Variants in SCHIP1 observed in about 807,000 individuals in gnomAD.
SCHIP1 encodes schwannomin-interacting protein 1.
In SCHIP1, 8 loss-of-function variants were observed where a neutral mutation model predicts 29.7. The ratio of observed to expected loss-of-function variants is 0.27; its 90% CI spans 0.16 to 0.49. The LOEUF is 0.49. SCHIP1 is among the 20% of genes least tolerant of loss of function. The probability of loss-of-function intolerance (pLI) is 0.99; values close to 1 mark genes in which losing one functional copy is unlikely to be tolerated. For missense variants in SCHIP1, 193 were observed against 294.6 expected (o/e 0.66, Z 2.52); for synonymous variants, 76 against 94.9 (o/e 0.80, Z 1.16).
chr3:159,495,463 A>G, the SCHIP1 span, among the ~76,000 whole-genome samples: 1 of 152,188 alleles, frequency 6.6e-6, no homozygotes, highest in African/African-American at 2.4e-5. Flanking sequence ...TACACCAATC[A>G]CAGACAAACA....
chr3:159,280,527 G>A, the SCHIP1 span, among the ~76,000 whole-genome samples: 1 of 152,008 alleles, frequency 6.6e-6, no homozygotes, highest in Admixed American at 6.6e-5. Flanking sequence ...TGAATAAGTC[G>A]GCTCAATTCC....
At chr3:159,687,447 G>A in the SCHIP1 span, among the ~76,000 whole-genome samples, 1 of 151,972 alleles carries the variant, frequency 6.6e-6, no homozygotes, top group Non-Finnish European at 1.5e-5. Flanking sequence ...TAAACTCTAT[G>A]CTCTGAGACC....
chr3:159,815,936 C>CTTATTTATTTAT, the SCHIP1 span, among the ~76,000 whole-genome samples: 1 of 55,958 alleles, frequency 1.8e-5, no homozygotes. Flanking sequence ...TGCCTCTGGT[C>CTTATTTATTTAT]CTATTTATTT....
the SCHIP1 span, among the ~76,000 whole-genome samples, chr3:159,468,221 A>G: frequency 6.6e-6 from 1 of 152,130 alleles, no homozygotes; most frequent in African/African-American, 2.4e-5. Flanking sequence ...TCCTTAAATC[A>G]TTGTAAAATT....
At chr3:159,871,372 G>T (rs1414212430) in intron 2 of SCHIP1, among the ~76,000 whole-genome samples, 15 of 113,058 alleles carry the variant, frequency 1.3e-4, no homozygotes, top group Non-Finnish European at 2.5e-4. Context: ...GGGGGGTGGG[G>T]GGGGGCTTAT....
intron 1 of SCHIP1, among the ~76,000 whole-genome samples, chr3:159,847,579 A>G (rs1465582405): frequency 1.3e-5 from 2 of 152,218 alleles, no homozygotes; most frequent in Non-Finnish European, 2.9e-5. Context: ...TAATGAGGAC[A>G]TTAAAATTGG....
chr3:159,537,348 A>T, the SCHIP1 span, among the ~76,000 whole-genome samples: 1 of 152,066 alleles, frequency 6.6e-6, no homozygotes, highest in Non-Finnish European at 1.5e-5. Context: ...AGGCTTCTTG[A>T]ATACCAAACA....
chr3:159,482,466 G>C, the SCHIP1 span, among the ~76,000 whole-genome samples: 1 of 152,300 alleles, frequency 6.6e-6, no homozygotes, highest in African/African-American at 2.4e-5. Flanking sequence ...CGATTCCAGA[G>C]AGACTCAGCT....
the SCHIP1 span, among the ~76,000 whole-genome samples, chr3:159,441,364 T>C: frequency 6.0e-4 from 92 of 152,184 alleles, 1 homozygote; most frequent in Admixed American, 2.6e-4. Flanking sequence ...CTTCAGACTC[T>C]ATTTTACATT....
the SCHIP1 span, among the ~76,000 whole-genome samples, chr3:159,311,416 G>T: frequency 2.0e-5 from 3 of 152,026 alleles, no homozygotes; most frequent in African/African-American, 7.2e-5. Flanking sequence ...TAAATTTCTA[G>T]CTACCCAGGT....
At chr3:159,447,215 A>G in the SCHIP1 span, among the ~76,000 whole-genome samples, 1 of 152,190 alleles carries the variant, frequency 6.6e-6, no homozygotes, top group East Asian at 1.9e-4. Context: ...ATGGAGGTAA[A>G]AAGATCAACC....
chr3:159,803,441 A>C, the SCHIP1 span, among the ~76,000 whole-genome samples: 2 of 152,178 alleles, frequency 1.3e-5, no homozygotes, highest in African/African-American at 4.8e-5. Context: ...TTTTCAGTGA[A>C]TGATAAAAAT....
the SCHIP1 span, among the ~76,000 whole-genome samples, chr3:159,713,252 GAAAGAAAGAAAGAA>G: frequency 7.0e-6 from 1 of 143,342 alleles, no homozygotes; most frequent in African/African-American, 2.7e-5. Flanking sequence ...AAGAAAGAAA[GAAAGAAAGAAAGAA>G]AGAAAGAAAG....
At chr3:159,652,024 A>T in the SCHIP1 span, among the ~76,000 whole-genome samples, 1 of 151,878 alleles carries the variant, frequency 6.6e-6, no homozygotes, top group Admixed American at 6.6e-5. Context: ...TGAACCCAGG[A>T]GGTGGAGGTT....
chr3:159,563,015 G>C, the SCHIP1 span, among the ~76,000 whole-genome samples: 1 of 152,158 alleles, frequency 6.6e-6, no homozygotes, highest in African/African-American at 2.4e-5. Flanking sequence ...TTTTGAAAGG[G>C]TGGGGGTTAT....
chr3:159,408,694 C>T, the SCHIP1 span, among the ~76,000 whole-genome samples: 1 of 152,162 alleles, frequency 6.6e-6, no homozygotes, highest in Admixed American at 6.5e-5. Flanking sequence ...TCACTGCTGA[C>T]TTTTACCAAA....
the SCHIP1 span, among the ~76,000 whole-genome samples, chr3:159,553,906 T>C: frequency 6.6e-6 from 1 of 152,000 alleles, no homozygotes; most frequent in East Asian, 1.9e-4. Flanking sequence ...GTTCACGCCA[T>C]TCTTCTGCCT....
the SCHIP1 span, among the ~76,000 whole-genome samples, chr3:159,815,937 C>CTATTCATTTATT: frequency 2.7e-5 from 4 of 147,558 alleles, no homozygotes; most frequent in East Asian, 6.1e-4. Context: ...GCCTCTGGTC[C>CTATTCATTTATT]TATTTATTTA....
At chr3:159,423,442 G>A in the SCHIP1 span, among the ~76,000 whole-genome samples, 2 of 152,238 alleles carry the variant, frequency 1.3e-5, no homozygotes, top group African/African-American at 2.4e-5. Flanking sequence ...TGCCCACGGA[G>A]TCTTGCTGAT....
Sources: gnomAD v4.1 joint callset for allele counts (sites outside exome capture counted in the v4.1 genomes callset) on GRCh38, gnomAD v4.1.1 for gene constraint, MANE v1.5 for transcripts, NCBI Gene and HGNC (gene_info 2026-07-23, HGNC 2026-07-21) for gene names.